Variants in TNR observed in about 807,000 individuals in gnomAD.
TNR encodes tenascin R, also known as tenascin-R.
TNR carries 45 observed loss-of-function variants against 150.4 expected under a neutral mutation model. That is an observed-to-expected ratio of 0.30 (90% confidence interval 0.24 to 0.38). TNR has a LOEUF of 0.38. Among genes scored for constraint, TNR ranks in the 10% least tolerant of loss-of-function variants. The pLI is 1.00. For synonymous variants in TNR, 687 were observed against 678.4 expected (o/e 1.01, Z -0.20); for missense variants, 1,544 against 1,759.1 (o/e 0.88, Z 2.19).
chr1:175,629,196 C>A (rs1223046100), intron 1 of TNR, among the ~76,000 whole-genome samples: 1 of 152,148 alleles, frequency 6.6e-6, no homozygotes, highest in Non-Finnish European at 1.5e-5. Context: ...GGTACTGAGG[C>A]ACTGAAAATG....
intron 1 of TNR, among the ~76,000 whole-genome samples, chr1:175,724,024 A>T (rs1253076924): frequency 5.3e-5 from 8 of 152,186 alleles, no homozygotes; most frequent in African/African-American, 1.9e-4. Context: ...TATAAACTGT[A>T]TATATTTCTA....
rs554441213 is a variant in TNR, at chr1:175,659,556, A to G, written c.-165+83670T>C. Among the ~76,000 whole-genome samples the G allele has an allele frequency of 1.0e-3, 153 of 152,256 alleles. 1 individual carries two copies. Among genetic ancestry groups the G allele is most frequent in the African/African-American group, 3.6e-3 (149 of 41,544 alleles). On this transcript the variant is annotated intron_variant, in intron 1 of 22. Coordinates refer to ENST00000367674, the MANE Select transcript of TNR (RefSeq NM_003285.3). Reference sequence around the variant, plus strand: ...TCACCTTCAGAATGATCCCTTTGTAAGAAACCAGGAAGGCCAGTTGAAGAT... The same window carrying G: ...TCACCTTCAGAATGATCCCTTTGTAGGAAACCAGGAAGGCCAGTTGAAGAT...
At chr1:175,493,825 T>C (rs1224117018) in intron 2 of TNR, among the ~76,000 whole-genome samples, 1 of 152,048 alleles carries the variant, frequency 6.6e-6, no homozygotes, top group African/African-American at 2.4e-5. Context: ...TGGCCACAAA[T>C]AGCTGCACCG....
intron 1 of TNR, among the ~76,000 whole-genome samples, chr1:175,620,132 A>G (rs1558040583): frequency 6.6e-6 from 1 of 152,216 alleles, no homozygotes; most frequent in Admixed American, 6.5e-5. Context: ...AGGAAGTCCA[A>G]GAAGTGATTT....
intron 7 of TNR, among the ~76,000 whole-genome samples, chr1:175,388,572 C>T (rs541328992): frequency 2.0e-5 from 3 of 152,326 alleles, no homozygotes; most frequent in East Asian, 3.8e-4. Flanking sequence ...TGGGAGCCAA[C>T]CGTCTATTTT....
chr1:175,630,330 T>C (rs770606779), intron 1 of TNR, among the ~76,000 whole-genome samples: 1 of 152,234 alleles, frequency 6.6e-6, no homozygotes, highest in Non-Finnish European at 1.5e-5. Flanking sequence ...AGTCTTTTAA[T>C]AGAAACTTTC....
At chr1:175,613,926 T>G (rs1663682372) in intron 1 of TNR, among the ~76,000 whole-genome samples, 1 of 152,188 alleles carries the variant, frequency 6.6e-6, no homozygotes, top group Admixed American at 6.5e-5. Context: ...TGAGAAAGGA[T>G]GTGCTCTGGA....
intron 2 of TNR, among the ~76,000 whole-genome samples, chr1:175,426,740 GT>G (rs201966212): frequency 0.077 from 11,183 of 145,132 alleles, 730 homozygotes; most frequent in Non-Finnish European, 0.11. Context: ...TCTAATGTGT[GT>G]TTATATCTAT....
chr1:175,392,325 T>C (rs989850940), intron 6 of TNR, among the ~76,000 whole-genome samples: 4 of 152,126 alleles, frequency 2.6e-5, no homozygotes, highest in Non-Finnish European at 5.9e-5. Flanking sequence ...GTACCCAGGG[T>C]GCCTTATATG....
chr1:175,358,096 T>C (rs1264238800), intron 15 of TNR, among the ~76,000 whole-genome samples: 1 of 152,106 alleles, frequency 6.6e-6, no homozygotes. Context: ...TGCAAATGCA[T>C]GGAGGCTTGA....
At chr1:175,458,513 G>A (rs1656666857) in intron 2 of TNR, among the ~76,000 whole-genome samples, 1 of 152,178 alleles carries the variant, frequency 6.6e-6, no homozygotes, top group African/African-American at 2.4e-5. Flanking sequence ...GAGGAGGGGA[G>A]TCACCACAGT....
chr1:175,734,607 C>T (rs191405756), intron 1 of TNR, among the ~76,000 whole-genome samples: 1 of 152,350 alleles, frequency 6.6e-6, no homozygotes, highest in Admixed American at 6.5e-5. Flanking sequence ...AGGAACCTGG[C>T]AGCTTCCAAG....
chr1:175,657,304 AC>A (rs1236042603), intron 1 of TNR, among the ~76,000 whole-genome samples: 4 of 152,202 alleles, frequency 2.6e-5, no homozygotes, highest in Admixed American at 6.5e-5. Flanking sequence ...AAATAGGAAC[AC>A]TTTTACACTG....
intron 1 of TNR, among the ~76,000 whole-genome samples, chr1:175,709,250 G>T (rs1427821534): frequency 6.6e-6 from 1 of 150,854 alleles, no homozygotes; most frequent in South Asian, 2.1e-4. Flanking sequence ...CTTGTGTGTA[G>T]CTTCTTTGTA....
chr1:175,698,112 T>C (rs1666585706), intron 1 of TNR, among the ~76,000 whole-genome samples: 1 of 152,208 alleles, frequency 6.6e-6, no homozygotes, highest in South Asian at 2.1e-4. Flanking sequence ...CATTCCGTAA[T>C]CCAATTACTA....
intron 2 of TNR, among the ~76,000 whole-genome samples, chr1:175,519,273 G>T (rs10912994): frequency 0.4 from 60,378 of 152,006 alleles, 12,371 homozygotes; most frequent in East Asian, 0.59. Context: ...GTGCATACCG[G>T]CATTTCTGAT....
chr1:175,439,261 A>AT (rs1303868403), intron 2 of TNR, among the ~76,000 whole-genome samples: 3 of 152,126 alleles, frequency 2.0e-5, no homozygotes, highest in Non-Finnish European at 4.4e-5. Context: ...CCTGAGAAAA[A>AT]CAAGCAATGG....
intron 1 of TNR, among the ~76,000 whole-genome samples, chr1:175,560,321 T>C (rs1469928931): frequency 6.6e-6 from 1 of 152,212 alleles, no homozygotes; most frequent in African/African-American, 2.4e-5. Flanking sequence ...CTTGATAAAA[T>C]AGAGGATACA....
chr1:175,459,714 C>G (rs898355323), intron 2 of TNR, among the ~76,000 whole-genome samples: 11 of 152,160 alleles, frequency 7.2e-5, no homozygotes, highest in Non-Finnish European at 1.3e-4. Flanking sequence ...GAAAGTCTGG[C>G]AGACAGGGGC....
Sources: gnomAD v4.1 joint callset for allele counts (sites outside exome capture counted in the v4.1 genomes callset) on GRCh38, gnomAD v4.1.1 for gene constraint, MANE v1.5 for transcripts, NCBI Gene and HGNC (gene_info 2026-07-23, HGNC 2026-07-21) for gene names.